The following PKP2 variants were observed in gnomAD, a reference collection of about 807,000 sequenced individuals.
The protein encoded by PKP2 is plakophilin-2.
PKP2 carries 73 observed loss-of-function variants against 83.4 expected under a neutral mutation model. The observed-to-expected ratio is 0.88, with a 90% confidence interval of 0.72 to 1.06. The LOEUF is 1.06. Ranked by LOEUF, PKP2 falls within the 50% of genes least tolerant of loss-of-function variation. PKP2 has a pLI of 0.00. For synonymous variants in PKP2, 409 were observed against 430.4 expected (o/e 0.95, Z 0.62); for missense variants, 966 against 1,065.4 (o/e 0.91, Z 1.30).
intron 6 of PKP2, 90 bp from the exon 7 acceptor site, chr12:32,824,252 G>C (rs1269879090): frequency 1.1e-6 from 1 of 939,454 alleles, no homozygotes; most frequent in African/African-American, 1.6e-5. Context: ...GCTTCTTCCA[G>C]GTGTTTGGAA....
chr12:32,877,791 G>T, intron 3 of PKP2, 55 bp downstream of exon 3: 1 of 1,292,588 alleles, frequency 7.7e-7, no homozygotes, highest in Non-Finnish European at 1.1e-6. Flanking sequence ...TGTCAGGGCT[G>T]TGGGAACAGA....
Position 32,878,211 on chromosome 12 carries a change from A to T in PKP2, c.669T>A (p.His223Gln). The stretch of plus-strand genomic sequence containing the variant: ...CAAAAACGGTGTCGCTAACAGAGCC[A>T]TGCTGGTACTGTCTGTGGTATGTGT... ...HFDTYHRQYQ[H>Q]GSVSDTVFDS... is the part of the protein sequence containing the mutation. The change falls in exon 3 of 13, where the codon CAT (histidine) becomes CAA (glutamine). Residue 223 changes from histidine (H) to glutamine (Q), a missense_variant. Coordinates refer to ENST00000340811, the MANE Select transcript of PKP2 (RefSeq NM_001005242.3). 6.2e-7 allele frequency: 1 copy of T among 1,614,160 alleles called. No individual in the cohort carries two copies. Among genetic ancestry groups the T allele is most frequent in the Non-Finnish European group, 8.5e-7 (1 of 1,180,042 alleles).
intron 4 of PKP2, among the ~76,000 whole-genome samples, chr12:32,864,253 A>T (rs1956826223): frequency 6.6e-6 from 1 of 151,420 alleles, no homozygotes; most frequent in Non-Finnish European, 1.5e-5. Flanking sequence ...TAATATGCCC[A>T]CGCTCACCAC....
intron 11 of PKP2, among the ~76,000 whole-genome samples, chr12:32,793,322 T>A (rs761772873): frequency 6.6e-6 from 1 of 152,122 alleles, no homozygotes; most frequent in African/African-American, 2.4e-5. Context: ...TCTTTAGATA[T>A]GTTATAAATC....
At chr12:32,824,336 A>G (rs1252373634) in intron 6 of PKP2, 174 bp from the exon 7 acceptor site, 1 of 626,372 alleles carries the variant, frequency 1.6e-6, no homozygotes, top group Admixed American at 2.6e-5. Context: ...ATCAACTATG[A>G]ACATACTTTC....
intron 5 of PKP2, among the ~76,000 whole-genome samples, chr12:32,842,970 G>A (rs2137836634): frequency 6.6e-6 from 1 of 150,858 alleles, no homozygotes; most frequent in African/African-American, 2.4e-5. Context: ...ACTGTGCCTG[G>A]CCCAGCAATT....
intron 6 of PKP2, among the ~76,000 whole-genome samples, chr12:32,837,693 A>T (rs1266843070): frequency 6.6e-6 from 1 of 152,188 alleles, no homozygotes; most frequent in Non-Finnish European, 1.5e-5. Flanking sequence ...GTTCTGAAAA[A>T]TGTGTGCCAA....
intron 4 of PKP2, among the ~76,000 whole-genome samples, chr12:32,853,731 G>A (rs550591864): frequency 6.6e-6 from 1 of 152,066 alleles, no homozygotes; most frequent in African/African-American, 2.4e-5. Flanking sequence ...GGCTGGTCTC[G>A]AACTCCCAAC....
At chr12:32,870,643 T>G (rs1346202900) in intron 3 of PKP2, among the ~76,000 whole-genome samples, 1 of 152,224 alleles carries the variant, frequency 6.6e-6, no homozygotes, top group African/African-American at 2.4e-5. Context: ...ATTCATGGAC[T>G]GAGGCCTTTA....
In PKP2 at chr12:32,791,395, T is replaced by C. The variant is rs1956064379; in HGVS notation, c.*1029A>G. Reference sequence around the variant, plus strand: ...TAGTGGCTCTGTGATATTTCTTAAATGGTGGGCAAGGCTGGGCTGGCTGAT... The same window carrying C: ...TAGTGGCTCTGTGATATTTCTTAAACGGTGGGCAAGGCTGGGCTGGCTGAT... On this transcript the variant is annotated 3_prime_UTR_variant, in exon 13 of 13. Transcript: ENST00000340811. 6.6e-6 allele frequency: 1 copy of C among 152,206 alleles called. No individual in the cohort carries two copies. The highest frequency in any genetic ancestry group is 1.5e-5 in the Non-Finnish European group (1 of 68,038). The allele number at this position is 152,206 out of a possible 1,614,324, so 9.4% of individuals were successfully genotyped here.
intron 4 of PKP2, chr12:32,863,357 G>A (rs979890823): frequency 7.7e-6 from 2 of 258,316 alleles, no homozygotes; most frequent in South Asian, 1.3e-4. Context: ...GGCATGGTTT[G>A]TGCCAAATTC....
intron 3 of PKP2, among the ~76,000 whole-genome samples, chr12:32,874,941 G>A (rs1307764595): frequency 6.6e-6 from 1 of 151,866 alleles, no homozygotes; most frequent in East Asian, 1.9e-4. Flanking sequence ...GGGTCTCGGG[G>A]TCTCCCTATT....
At chr12:32,821,101 T>A in intron 9 of PKP2, 1 of 461,450 alleles carries the variant, frequency 2.2e-6, no homozygotes, top group South Asian at 2.2e-5. Flanking sequence ...AAAAATTTCC[T>A]CTTTTTTGCT....
chr12:32,888,992 A>G lies in PKP2; in HGVS notation c.223+7517T>C, dbSNP rs557384325. Among the ~76,000 whole-genome samples the G allele has an allele frequency of 9.2e-5, 14 of 152,154 alleles. No individual in the cohort carries two copies. In the East Asian group the frequency reaches 2.7e-3, roughly 29 times the overall value. On this transcript the variant is annotated intron_variant, in intron 1 of 12. Coordinates refer to ENST00000340811, the MANE Select transcript of PKP2 (RefSeq NM_001005242.3). ...TAAATCCACCAAATCTGTCAAATGTATTTTCACAAAACTCCTGCACTTTTC... is the reference window on the plus strand; with the variant it reads ...TAAATCCACCAAATCTGTCAAATGTGTTTTCACAAAACTCCTGCACTTTTC...
At chr12:32,832,636 T>A (rs1592742659) in intron 6 of PKP2, among the ~76,000 whole-genome samples, 1 of 152,186 alleles carries the variant, frequency 6.6e-6, no homozygotes, top group East Asian at 1.9e-4. Flanking sequence ...GGAAAGCCAA[T>A]CTCTGGGGTG....
chr12:32,815,423 A>G (rs1437304187), intron 9 of PKP2, among the ~76,000 whole-genome samples: 2 of 152,176 alleles, frequency 1.3e-5, no homozygotes, highest in Non-Finnish European at 2.9e-5. Flanking sequence ...GCCTCTTGAA[A>G]GAACATATCT....
At chr12:32,862,061 C>A (rs1026744095) in intron 4 of PKP2, among the ~76,000 whole-genome samples, 1 of 151,990 alleles carries the variant, frequency 6.6e-6, no homozygotes, top group African/African-American at 2.4e-5. Flanking sequence ...CCACACCTGG[C>A]TAATTTTGTA....
chr12:32,865,110 C>T (rs1309019745), intron 4 of PKP2, among the ~76,000 whole-genome samples: 2 of 151,928 alleles, frequency 1.3e-5, no homozygotes, highest in African/African-American at 4.8e-5. Context: ...TGTGGTGGCT[C>T]ACACCTGTAA....
intron 6 of PKP2, among the ~76,000 whole-genome samples, chr12:32,833,591 G>T (rs74565170): frequency 0.053 from 8,067 of 152,082 alleles, 464 homozygotes; most frequent in Admixed American, 0.18. Context: ...GATTTCCAGT[G>T]TAAGAGACAA....
Sources: gnomAD v4.1 joint callset for allele counts (sites outside exome capture counted in the v4.1 genomes callset) on GRCh38, gnomAD v4.1.1 for gene constraint, MANE v1.5 for transcripts, NCBI Gene and HGNC (gene_info 2026-07-23, HGNC 2026-07-21) for gene names.